Variants in ARHGAP24 observed in about 807,000 individuals in gnomAD.
ARHGAP24 encodes rho GTPase-activating protein 24.
ARHGAP24 carries 50 observed loss-of-function variants against 76.4 expected under a neutral mutation model. That is an observed-to-expected ratio of 0.65 (90% confidence interval 0.52 to 0.83). The LOEUF (loss-of-function observed/expected upper bound fraction) is 0.83, where lower values mean the gene tolerates loss of function less well. Among genes scored for constraint, ARHGAP24 ranks in the 40% least tolerant of loss-of-function variants. The pLI is 0.00. For synonymous variants in ARHGAP24, 345 were observed against 323.3 expected, an observed-to-expected ratio of 1.07 and a Z score of -0.72; for missense variants, 930 against 914.2, an observed-to-expected ratio of 1.02 and a Z score of -0.22.
chr4:85,506,396 C>T (rs574892534), intron 1 of ARHGAP24, among the ~76,000 whole-genome samples: 12 of 152,356 alleles, frequency 7.9e-5, no homozygotes, highest in African/African-American at 2.9e-4. Context: ...GTGGTGGGCT[C>T]TGCCCAGTTT....
chr4:85,527,212 A>C (rs1725043560), intron 1 of ARHGAP24, among the ~76,000 whole-genome samples: 1 of 152,158 alleles, frequency 6.6e-6, no homozygotes, highest in Non-Finnish European at 1.5e-5. Context: ...ATAATGCATT[A>C]TAATTTAGAA....
chr4:85,967,982 A>G (rs560951691), intron 5 of ARHGAP24, among the ~76,000 whole-genome samples: 4 of 152,158 alleles, frequency 2.6e-5, no homozygotes, highest in African/African-American at 7.2e-5. Flanking sequence ...AGACAGCCCC[A>G]TTACATGGCA....
At chr4:85,668,524 T>A (rs980942277) in intron 2 of ARHGAP24, among the ~76,000 whole-genome samples, 1 of 152,146 alleles carries the variant, frequency 6.6e-6, no homozygotes, top group Non-Finnish European at 1.5e-5. Context: ...GTTACTATAG[T>A]AGCACAGAGA....
intron 3 of ARHGAP24, among the ~76,000 whole-genome samples, chr4:85,792,603 C>G (rs957707121): frequency 6.6e-6 from 1 of 152,118 alleles, no homozygotes; most frequent in African/African-American, 2.4e-5. Context: ...CCTATGGACT[C>G]TCCTTTTCCT....
chr4:85,797,298 C>G (rs1217969983), intron 3 of ARHGAP24, among the ~76,000 whole-genome samples: 1 of 151,868 alleles, frequency 6.6e-6, no homozygotes, highest in East Asian at 1.9e-4. Context: ...TCAGCCTCCC[C>G]AGCAGCTGGG....
intron 5 of ARHGAP24, among the ~76,000 whole-genome samples, chr4:85,959,258 C>T (rs566203789): frequency 1.5e-4 from 23 of 152,154 alleles, no homozygotes; most frequent in Non-Finnish European, 2.2e-4. Context: ...CTGGTGGGAG[C>T]GTAGCAGTGA....
intron 1 of ARHGAP24, among the ~76,000 whole-genome samples, chr4:85,501,401 T>C (rs1203394400): frequency 6.6e-6 from 1 of 152,236 alleles, no homozygotes; most frequent in Non-Finnish European, 1.5e-5. Context: ...TTCCTGACTT[T>C]TTGATGATGG....
rs1252514903 is a variant in ARHGAP24, at chr4:85,947,781, TTTA to T, written c.599+5513_599+5515del. On this transcript the variant is annotated intron_variant, in intron 5 of 9. Transcript: ENST00000395184. ...TGTAACAGTAAAAACTGAACACCAA[TTTA>T]TTATCTCCATGTGAGTGTGGTTAAT... Among the ~76,000 whole-genome samples, 18 of 152,350 alleles carry T rather than the reference TTTA, an allele frequency of 1.2e-4. No homozygotes were observed. The South Asian group carries it at 2.9e-3, about 25-fold the overall frequency.
intron 1 of ARHGAP24, among the ~76,000 whole-genome samples, chr4:85,487,220 A>C (rs1461965457): frequency 7.5e-6 from 1 of 134,024 alleles, no homozygotes; most frequent in Non-Finnish European, 1.6e-5. Flanking sequence ...ATATATAAAA[A>C]TATATATTTA....
intron 2 of ARHGAP24, among the ~76,000 whole-genome samples, chr4:85,677,204 CTT>C (rs1329121380): frequency 6.6e-6 from 1 of 152,264 alleles, no homozygotes; most frequent in Admixed American, 6.5e-5. Flanking sequence ...GCTCTTCTCT[CTT>C]TATCCTCCTC....
intron 3 of ARHGAP24, among the ~76,000 whole-genome samples, chr4:85,913,097 T>C (rs1471828788): frequency 6.6e-6 from 1 of 152,084 alleles, no homozygotes; most frequent in Non-Finnish European, 1.5e-5. Flanking sequence ...TTAATATTTC[T>C]CATTTTAAAC....
intron 1 of ARHGAP24, among the ~76,000 whole-genome samples, chr4:85,485,758 A>G (rs943805459): frequency 3.2e-4 from 46 of 145,834 alleles, no homozygotes; most frequent in African/African-American, 1.1e-3. Flanking sequence ...TTTTTTTGAG[A>G]CAGTCTCACT....
At chr4:85,747,479 G>A (rs1027969191) in intron 3 of ARHGAP24, among the ~76,000 whole-genome samples, 34 of 152,114 alleles carry the variant, frequency 2.2e-4, no homozygotes, top group Non-Finnish European at 5.9e-5. Context: ...CGAGGTGGGC[G>A]GATCACGAGG....
intron 4 of ARHGAP24, among the ~76,000 whole-genome samples, chr4:85,939,645 A>G (rs796149802): frequency 1.3e-5 from 2 of 152,304 alleles, no homozygotes; most frequent in African/African-American, 4.8e-5. Context: ...TAAAAAGGAA[A>G]CCGAATTCAC....
intron 2 of ARHGAP24, among the ~76,000 whole-genome samples, chr4:85,595,628 G>A (rs888297633): frequency 6.6e-6 from 1 of 151,836 alleles, no homozygotes; most frequent in African/African-American, 2.4e-5. Context: ...AACCAGGATG[G>A]GTGAAGAAAT....
At chr4:85,979,676 A>T (rs1015864662) in intron 8 of ARHGAP24, among the ~76,000 whole-genome samples, 1 of 152,108 alleles carries the variant, frequency 6.6e-6, no homozygotes, top group African/African-American at 2.4e-5. Context: ...ACTTTAAAAA[A>T]TTTTCTTCTC....
At chr4:85,587,474 T>C (rs967374530) in intron 2 of ARHGAP24, among the ~76,000 whole-genome samples, 1 of 152,250 alleles carries the variant, frequency 6.6e-6, no homozygotes, top group Non-Finnish European at 1.5e-5. Flanking sequence ...TTTTAACATG[T>C]AATGATGTTT....
intron 3 of ARHGAP24, among the ~76,000 whole-genome samples, chr4:85,783,556 T>C (rs894333903): frequency 2.0e-5 from 3 of 152,110 alleles, no homozygotes; most frequent in African/African-American, 7.2e-5. Context: ...CTAATATCTG[T>C]ATCTAGCCAG....
intron 3 of ARHGAP24, among the ~76,000 whole-genome samples, chr4:85,792,204 T>C (rs1728162139): frequency 6.6e-6 from 1 of 152,090 alleles, no homozygotes; most frequent in South Asian, 2.1e-4. Context: ...GAAAATATAA[T>C]GTCATACTCC....
Sources: gnomAD v4.1 joint callset for allele counts (sites outside exome capture counted in the v4.1 genomes callset) on GRCh38, gnomAD v4.1.1 for gene constraint, MANE v1.5 for transcripts, NCBI Gene and HGNC (gene_info 2026-07-23, HGNC 2026-07-21) for gene names.